Variants in MYH10 observed in about 807,000 individuals in gnomAD.
The protein encoded by MYH10 is myosin heavy chain 10, also known as myosin-10.
MYH10 carries 55 observed loss-of-function variants against 257.8 expected under a neutral mutation model. That is an observed-to-expected ratio of 0.21 (90% CI 0.17 to 0.27). The LOEUF is 0.27. Ranked by LOEUF, MYH10 falls within the 10% of genes least tolerant of loss-of-function variation. The pLI, the probability that MYH10 is intolerant of heterozygous loss-of-function variation, is 1.00. For missense variants in MYH10, 1,631 were observed against 2,500.6 expected (o/e 0.65, Z 7.42); for synonymous variants, 854 against 921.7 (o/e 0.93, Z 1.33).
At chr17:8,600,190 CG>C (rs1453021090) in intron 3 of MYH10, among the ~76,000 whole-genome samples, 3 of 152,200 alleles carry the variant, frequency 2.0e-5, no homozygotes, top group African/African-American at 7.2e-5. Flanking sequence ...ATTCATCCAG[CG>C]TGAGTTTTAC....
At chr17:8,543,345 T>A (rs1194037269) in intron 13 of MYH10, among the ~76,000 whole-genome samples, 1 of 152,204 alleles carries the variant, frequency 6.6e-6, no homozygotes, top group African/African-American at 2.4e-5. Context: ...AACACTGTAT[T>A]TCTGGCACGC....
chr17:8,527,993 A>G (rs2081902419), intron 17 of MYH10, among the ~76,000 whole-genome samples: 1 of 152,228 alleles, frequency 6.6e-6, no homozygotes, highest in African/African-American at 2.4e-5. Flanking sequence ...GTTATGATCA[A>G]TGGATGTAAT....
At chr17:8,524,355 CAGG>C (rs2081762732) in intron 17 of MYH10, among the ~76,000 whole-genome samples, 1 of 147,812 alleles carries the variant, frequency 6.8e-6, no homozygotes, top group Non-Finnish European at 1.5e-5. Context: ...AAGGCTGAGG[CAGG>C]AGAATTGCCT....
At chr17:8,515,094 G>A (rs551806028) in intron 21 of MYH10, among the ~76,000 whole-genome samples, 1 of 152,214 alleles carries the variant, frequency 6.6e-6, no homozygotes, top group South Asian at 2.1e-4. Context: ...ACAACCAAGT[G>A]ACCGACAGAC....
rs374972100 is a variant in MYH10 at position 8,489,843 on chromosome 17, T to A, written c.4884+497A>T. ...AGTTTTAGACTAGAAATTTAACATA[T>A]ATGCAGAAAAGTGTCTAATATACAT... On this transcript the variant is annotated intron_variant, in intron 35 of 42. Coordinates refer to ENST00000360416, the MANE Select transcript of MYH10 (RefSeq NM_001256012.3). Among the ~76,000 whole-genome samples the A allele has an allele frequency of 1.9e-3, 283 of 152,308 alleles. 5 individuals carry two copies. The Middle Eastern group carries it at 0.024, about 13-fold the overall frequency.
At chr17:8,590,194 C>T (rs1396826514) in intron 3 of MYH10, among the ~76,000 whole-genome samples, 3 of 152,162 alleles carry the variant, frequency 2.0e-5, no homozygotes, top group East Asian at 1.9e-4. Context: ...ATAAGTGCTC[C>T]GTTCACTATG....
At chr17:8,487,388 G>A in intron 36 of MYH10, 45 bp downstream of exon 36, 1 of 1,609,968 alleles carries the variant, frequency 6.2e-7, no homozygotes, top group Non-Finnish European at 8.5e-7. Flanking sequence ...AAGCCACATA[G>A]GTCACGTGGT....
At chr17:8,546,062 A>AT (rs1388371947) in intron 12 of MYH10, among the ~76,000 whole-genome samples, 27 of 149,016 alleles carry the variant, frequency 1.8e-4, no homozygotes, top group South Asian at 4.3e-4. Flanking sequence ...CTTTAAAAAA[A>AT]TTTTTTTTTT....
chr17:8,535,297 G>T lies in MYH10; in HGVS notation c.1894+90C>A. The stretch of plus-strand genomic sequence containing the variant: ...AAGATTTTAAAGTAAGAAGTTATAT[G>T]TATCCATATATATGTAAAAGAACCA... On this transcript the variant is annotated intron_variant, in intron 16 of 42. Transcript: ENST00000360416. This position sits in a 1 kb window ranked among gnomAD's most constrained non-coding sequence, Gnocchi z 4.3. 1 of 884,590 alleles carries T rather than the reference G, an allele frequency of 1.1e-6. No individual in the cohort carries two copies. The highest frequency in any genetic ancestry group is 1.7e-6 in the Non-Finnish European group (1 of 585,760). 54.8% of individuals were successfully genotyped at this position (884,590 alleles called of 1,614,324 possible).
intron 2 of MYH10, among the ~76,000 whole-genome samples, chr17:8,615,266 A>C (rs2085213480): frequency 6.6e-6 from 1 of 152,100 alleles, no homozygotes; most frequent in Non-Finnish European, 1.5e-5. Flanking sequence ...TGACAGAGTG[A>C]GAACCTATCT....
At position 8,545,603 on chromosome 17, in the gene MYH10, G is replaced by A. The variant is rs1194260002; in HGVS notation, c.1279-3C>T. ...AATGCTTCTACTGCAAAATCTGCCT[G>A]TAATTAAATCACAACAACCTTTTAT... is the stretch of plus-strand genomic sequence containing the variant. On this transcript the variant is annotated splice_polypyrimidine_tract_variant and splice_region_variant and intron_variant, in intron 12 of 42. Coordinates refer to ENST00000360416, the MANE Select transcript of MYH10 (RefSeq NM_001256012.3). The surrounding 1 kb of genome is among the most constrained non-coding windows in gnomAD (Gnocchi z 4.7). The A allele has an allele frequency of 2.5e-5, 40 of 1,606,784 alleles. No homozygotes were observed. The highest frequency in any genetic ancestry group is 3.1e-5 in the Non-Finnish European group (37 of 1,178,216).
chr17:8,618,251 CTT>C (rs149959575), intron 2 of MYH10, among the ~76,000 whole-genome samples: 15 of 142,416 alleles, frequency 1.1e-4, no homozygotes, highest in Non-Finnish European at 1.5e-4. Context: ...TTCCTTTTTT[CTT>C]TTTTTTTTTT....
intron 3 of MYH10, among the ~76,000 whole-genome samples, chr17:8,597,177 GATA>G (rs1162615242): frequency 6.6e-6 from 1 of 152,116 alleles, no homozygotes; most frequent in Non-Finnish European, 1.5e-5. Flanking sequence ...GTAATCATAG[GATA>G]ATAATTAAAA....
At chr17:8,499,958 T>G (rs1346404946) in intron 29 of MYH10, among the ~76,000 whole-genome samples, 1 of 152,188 alleles carries the variant, frequency 6.6e-6, no homozygotes, top group Admixed American at 6.5e-5. Context: ...GGCTTCAAGC[T>G]GCCTTTCCAC....
intron 6 of MYH10, among the ~76,000 whole-genome samples, chr17:8,572,846 A>G (rs1045201169): frequency 1.3e-5 from 2 of 152,246 alleles, no homozygotes; most frequent in Non-Finnish European, 2.9e-5. Flanking sequence ...CCTGGTACAA[A>G]GCCAATTATC....
At chr17:8,531,460 T>C (rs1043260061) in intron 16 of MYH10, among the ~76,000 whole-genome samples, 2 of 152,052 alleles carry the variant, frequency 1.3e-5, no homozygotes, top group African/African-American at 4.8e-5. Flanking sequence ...ATTATAAATC[T>C]CTAGGGCAGG....
rs142337551 is a variant in MYH10 at position 8,477,788 on chromosome 17, G to A, written c.5706+550C>T. On this transcript the variant is annotated intron_variant, in intron 41 of 42. Transcript: ENST00000360416. This position sits in a 1 kb window ranked among gnomAD's most constrained non-coding sequence, Gnocchi z 4.2. ...AGTCTCACCAGGCAGAGGGCAGGGA[G>A]CGGGAGGGAGGGTATAGCTGCCCAC... Among the ~76,000 whole-genome samples, 1 of 152,338 alleles carries A rather than the reference G, an allele frequency of 6.6e-6. No individual in the cohort carries two copies. The highest frequency in any genetic ancestry group is 1.9e-4 in the East Asian group (1 of 5,180).
At chr17:8,624,854 G>A (rs1298447742) in intron 1 of MYH10, among the ~76,000 whole-genome samples, 2 of 152,178 alleles carry the variant, frequency 1.3e-5, no homozygotes, top group East Asian at 3.8e-4. Context: ...AAATATTTGA[G>A]ACCAGCCTGG....
In MYH10 at chr17:8,557,453, T is replaced by A. The variant is rs548160057; in HGVS notation, c.757-3435A>T. Among the ~76,000 whole-genome samples, 67 of 152,254 alleles carry A rather than the reference T, an allele frequency of 4.4e-4. 1 individual carries two copies. Among genetic ancestry groups the A allele is most frequent in the African/African-American group, 1.5e-3 (63 of 41,548 alleles). ...GCAGGATTAAGTTCTATCTCAGGTGTGTGTCAAGGAGCTCCTTTAGCACTC... is the reference window on the plus strand; with the variant it reads ...GCAGGATTAAGTTCTATCTCAGGTGAGTGTCAAGGAGCTCCTTTAGCACTC... On this transcript the variant is annotated intron_variant, in intron 7 of 42. Coordinates refer to ENST00000360416, the MANE Select transcript of MYH10 (RefSeq NM_001256012.3).
Sources: allele counts gnomAD v4.1 joint callset (sites outside exome capture counted in the v4.1 genomes callset), GRCh38; gene constraint gnomAD v4.1.1; non-coding constraint Gnocchi (gnomAD v3.1); transcripts MANE v1.5; gene names NCBI Gene and HGNC (gene_info 2026-07-23, HGNC 2026-07-21).